KIRREL3: variants seen among roughly 807,000 people sequenced by gnomAD.
KIRREL3 encodes kirre like nephrin family adhesion molecule 3.
A neutral mutation model predicts 89.7 loss-of-function variants in KIRREL3; 36 were observed. That is an observed-to-expected ratio of 0.40 (90% CI 0.31 to 0.53). The LOEUF (loss-of-function observed/expected upper bound fraction) is 0.53. KIRREL3 is among the 20% of genes least tolerant of loss of function. The pLI is 0.49. For missense variants in KIRREL3, 864 were observed against 1,056.6 expected, an observed-to-expected ratio of 0.82 and a Z score of 2.53; for synonymous variants, 445 against 441.4, an observed-to-expected ratio of 1.01 and a Z score of -0.10.
chr11:126,554,932 C>G (rs928696375), intron 2 of KIRREL3, among the ~76,000 whole-genome samples: 3 of 152,168 alleles, frequency 2.0e-5, no homozygotes, highest in Non-Finnish European at 2.9e-5. Flanking sequence ...GCATCGGAGA[C>G]TATGGATAGA....
In KIRREL3 at chr11:126,802,850, C is replaced by T. The variant is rs1413874300; in HGVS notation, c.55+197605G>A. ...CCAGAAATATGCCATAGGAACTTAA[C>T]TCTTGTTTATATCAATTAGCCTGTG... On this transcript the variant is annotated intron_variant, in intron 1 of 16. Coordinates refer to ENST00000525144, the MANE Select transcript of KIRREL3 (RefSeq NM_032531.4). The surrounding 1 kb of genome is among the most constrained non-coding windows in gnomAD (Gnocchi z 5.2). 6.6e-6 allele frequency among the ~76,000 whole-genome samples: 1 copy of T among 152,134 alleles called. No individual in the cohort carries two copies. The highest frequency in any genetic ancestry group is 1.9e-4 in the East Asian group (1 of 5,192).
chr11:126,775,980 A>C (rs1006193385), intron 1 of KIRREL3, among the ~76,000 whole-genome samples: 2 of 152,188 alleles, frequency 1.3e-5, no homozygotes, highest in Non-Finnish European at 2.9e-5. Flanking sequence ...GATGGACGAC[A>C]GTACTTTCTG....
In KIRREL3 at chr11:126,769,988, G is replaced by C. The variant is rs1949967992; in HGVS notation, c.56-207076C>G. Among the ~76,000 whole-genome samples, 1 of 152,146 alleles carries C rather than the reference G, an allele frequency of 6.6e-6. No individual in the cohort carries two copies. Among genetic ancestry groups the C allele is most frequent in the Non-Finnish European group, 1.5e-5 (1 of 68,034 alleles). ...TTATAGTTGTTTTTCCCAGATCCCT[G>C]TATGGGCGGATGTGCAGATCCCATT... On this transcript the variant is annotated intron_variant, in intron 1 of 16. Transcript: ENST00000525144. This position sits in a 1 kb window ranked among gnomAD's most constrained non-coding sequence, Gnocchi z 4.3.
chr11:126,894,698 A>AT (rs954691863), intron 1 of KIRREL3, among the ~76,000 whole-genome samples: 14 of 151,934 alleles, frequency 9.2e-5, no homozygotes, highest in African/African-American at 3.4e-4. Context: ...TCAGTGAGCC[A>AT]TGATTATGCC....
chr11:126,563,043 A>G lies in KIRREL3; in HGVS notation c.56-131T>C, dbSNP rs1940247258. ...GTGCTTTTGTTTAGCCAACATTTATATGGAAATTGTTATGTTCCAGGCATA... is the reference window on the plus strand; with the variant it reads ...GTGCTTTTGTTTAGCCAACATTTATGTGGAAATTGTTATGTTCCAGGCATA... On this transcript the variant is annotated intron_variant, in intron 1 of 16. Coordinates refer to ENST00000525144, the MANE Select transcript of KIRREL3 (RefSeq NM_032531.4). The surrounding 1 kb of genome is among the most constrained non-coding windows in gnomAD (Gnocchi z 6.8). 3.5e-6 allele frequency: 2 copies of G among 567,850 alleles called. No homozygotes were observed. The highest frequency in any genetic ancestry group is 3.2e-5 in the Admixed American group (1 of 31,200). 35.2% of individuals were successfully genotyped at this position (567,850 alleles called of 1,614,324 possible). A position where few individuals can be genotyped will look rare whatever the true frequency, so the allele number is the denominator to read the frequency against.
chr11:126,519,077 T>C lies in KIRREL3; in HGVS notation c.433+2238A>G, dbSNP rs1284501470. Among the ~76,000 whole-genome samples the C allele has an allele frequency of 1.3e-5, 2 of 152,228 alleles. No individual in the cohort carries two copies. The highest frequency in any genetic ancestry group is 2.9e-5 in the Non-Finnish European group (2 of 68,038). Reference sequence around the variant, plus strand: ...TGCTGGGGATCATGGAAACTTCCTCTGCCCTCCTTCCGCTGATCTCCAGAC... The same window carrying C: ...TGCTGGGGATCATGGAAACTTCCTCCGCCCTCCTTCCGCTGATCTCCAGAC... On this transcript the variant is annotated intron_variant, in intron 4 of 16. Transcript: ENST00000525144. This position sits in a 1 kb window ranked among gnomAD's most constrained non-coding sequence, Gnocchi z 4.3.
intron 1 of KIRREL3, among the ~76,000 whole-genome samples, chr11:126,967,264 C>T (rs781057919): frequency 3.9e-4 from 59 of 152,154 alleles, no homozygotes; most frequent in Non-Finnish European, 7.6e-4. Context: ...TTACTTTCCT[C>T]GGTGCTCCTT....
At chr11:126,646,262 T>G (rs1488969995) in intron 1 of KIRREL3, among the ~76,000 whole-genome samples, 1 of 152,108 alleles carries the variant, frequency 6.6e-6, no homozygotes, top group Non-Finnish European at 1.5e-5. Flanking sequence ...AAAACACATC[T>G]TTGTTCTTAG....
intron 1 of KIRREL3, among the ~76,000 whole-genome samples, chr11:126,728,063 A>T (rs1276089553): frequency 6.6e-6 from 1 of 152,140 alleles, no homozygotes; most frequent in East Asian, 1.9e-4. Context: ...GACAAAGGCA[A>T]TCCATTATGT....
chr11:126,718,768 A>G (rs1270424249), intron 1 of KIRREL3, among the ~76,000 whole-genome samples: 1 of 152,234 alleles, frequency 6.6e-6, no homozygotes, highest in Admixed American at 6.5e-5. Flanking sequence ...CACCAGGGGC[A>G]GGGAAGCTAT....
chr11:126,664,752 A>G lies in KIRREL3; in HGVS notation c.56-101840T>C, dbSNP rs1263221779. Among the ~76,000 whole-genome samples the G allele has an allele frequency of 6.6e-6, 1 of 152,158 alleles. No individual in the cohort carries two copies. The highest frequency in any genetic ancestry group is 1.5e-5 in the Non-Finnish European group (1 of 68,024). ...TTCAGGGTCCTGGGAGGCTGTTTCA[A>G]TGACATCTCATAGAGACACTTTCCT... On this transcript the variant is annotated intron_variant, in intron 1 of 16. Transcript: ENST00000525144. The surrounding 1 kb of genome is among the most constrained non-coding windows in gnomAD (Gnocchi z 5.4).
chr11:126,881,258 C>A (rs112447890), intron 1 of KIRREL3, among the ~76,000 whole-genome samples: 2,035 of 152,322 alleles, frequency 0.013, 47 homozygotes, highest in African/African-American at 0.046. Context: ...CCCCCTCCCC[C>A]TCTCTGTTAA....
At position 126,473,418 on chromosome 11, in the gene KIRREL3, C is replaced by T. The variant is rs779979146; in HGVS notation, c.482G>A (p.Arg161His). 1.8e-5 allele frequency: 28 copies of T among 1,584,104 alleles called. No homozygotes were observed. Among genetic ancestry groups the T allele is most frequent in the East Asian group, 6.8e-5 (3 of 43,884 alleles). Residue 161 changes from arginine (R) to histidine (H), a missense_variant, in exon 5 of 17, where the codon CGT becomes CAT. By Grantham distance (29) the Arg-to-His change is conservative (BLOSUM62 0). Transcript: ENST00000525144. ...VILGGPVISL[R>H]AGDPLNLTCH... is the part of the protein sequence containing the mutation. Reference sequence around the variant, plus strand: ...GGTGAGGTTGAGAGGGTCCCCCGCACGCAGGCTGATCACAGGGCCCCCCAG... The same window carrying T: ...GGTGAGGTTGAGAGGGTCCCCCGCATGCAGGCTGATCACAGGGCCCCCCAG...
rs573836860 is a variant in KIRREL3, at chr11:126,734,024, G to A, written c.56-171112C>T. 2.2e-4 allele frequency among the ~76,000 whole-genome samples: 33 copies of A among 152,300 alleles called. 1 individual carries two copies. The highest frequency in any genetic ancestry group is 1.8e-3 in the Admixed American group (27 of 15,298). On this transcript the variant is annotated intron_variant, in intron 1 of 16. Transcript: ENST00000525144. The surrounding 1 kb of genome is among the most constrained non-coding windows in gnomAD (Gnocchi z 5.9). Reference sequence around the variant, plus strand: ...AGCAGCCCAGAAGAGGTCAGCGTCTGCCTCTCAAGGTGTGGGCTGTCAGCA... The same window carrying A: ...AGCAGCCCAGAAGAGGTCAGCGTCTACCTCTCAAGGTGTGGGCTGTCAGCA...
intron 1 of KIRREL3, chr11:126,944,343 C>G (rs1259317500): frequency 6.6e-6 from 1 of 152,200 alleles, no homozygotes; most frequent in Non-Finnish European, 1.5e-5. Context: ...GAGCCTCTGC[C>G]ATGAACCCGG....
intron 1 of KIRREL3, among the ~76,000 whole-genome samples, chr11:126,692,125 A>C (rs1946899490): frequency 6.6e-6 from 1 of 152,214 alleles, no homozygotes; most frequent in Non-Finnish European, 1.5e-5. Flanking sequence ...TCCTTAAAAA[A>C]TTAAAAATAG....
chr11:126,959,432 G>C (rs1168567613), intron 1 of KIRREL3, among the ~76,000 whole-genome samples: 1 of 151,870 alleles, frequency 6.6e-6, no homozygotes, highest in Non-Finnish European at 1.5e-5. Context: ...ACCCCTAAAT[G>C]TTGTTGTTGT....
chr11:126,818,363 T>C (rs1293859693), intron 1 of KIRREL3, among the ~76,000 whole-genome samples: 1 of 152,176 alleles, frequency 6.6e-6, no homozygotes, highest in African/African-American at 2.4e-5. Flanking sequence ...AGAGGCTCAA[T>C]AGGCTTTCAC....
Position 126,844,540 on chromosome 11 carries a change from CT to C in KIRREL3, c.55+155914del, listed in dbSNP as rs1944076252. Among the ~76,000 whole-genome samples the C allele has an allele frequency of 6.6e-6, 1 of 152,100 alleles. No individual in the cohort carries two copies. Among genetic ancestry groups the C allele is most frequent in the African/African-American group, 2.4e-5 (1 of 41,404 alleles). ...GGGCCCAACTTAGGGCAGTTGGAGTCTCTCCTAAGACAGAAACCATTAAAGG... is the reference window on the plus strand; with the variant it reads ...GGGCCCAACTTAGGGCAGTTGGAGTCCTCCTAAGACAGAAACCATTAAAGG... On this transcript the variant is annotated intron_variant, in intron 1 of 16. Coordinates refer to ENST00000525144, the MANE Select transcript of KIRREL3 (RefSeq NM_032531.4). The surrounding 1 kb of genome is among the most constrained non-coding windows in gnomAD (Gnocchi z 4.8).
Sources: allele counts gnomAD v4.1 joint callset (sites outside exome capture counted in the v4.1 genomes callset), GRCh38; gene constraint gnomAD v4.1.1; non-coding constraint Gnocchi (gnomAD v3.1); transcripts MANE v1.5; gene names NCBI Gene and HGNC (gene_info 2026-07-23, HGNC 2026-07-21).